Variants in MARCHF1 observed in about 807,000 individuals in gnomAD.
MARCHF1 encodes membrane associated ring-CH-type finger 1.
MARCHF1 carries 40 observed loss-of-function variants against 54.2 expected under a neutral mutation model. The ratio of observed to expected loss-of-function variants is 0.74; its 90% CI spans 0.57 to 0.96. MARCHF1 has a LOEUF of 0.96. Ranked by LOEUF, MARCHF1 falls within the 40% of genes least tolerant of loss-of-function variation. The pLI, the probability that MARCHF1 is intolerant of heterozygous loss-of-function variation, is 0.00. For missense variants in MARCHF1, 586 were observed against 656.5 expected (o/e 0.89, Z 1.17); for synonymous variants, 236 against 236.3 (o/e 1.00, Z 0.01).
intron 4 of MARCHF1, among the ~76,000 whole-genome samples, chr4:163,766,662 TTCAA>T (rs1162462733): frequency 9.9e-5 from 15 of 152,206 alleles, no homozygotes; most frequent in African/African-American, 3.6e-4. Context: ...ATAATAACCC[TTCAA>T]TCAATCACAG....
At chr4:163,920,247 C>T (rs895287407) in intron 3 of MARCHF1, among the ~76,000 whole-genome samples, 1 of 152,134 alleles carries the variant, frequency 6.6e-6, no homozygotes, top group Non-Finnish European at 1.5e-5. Flanking sequence ...CACCATAAAT[C>T]CCCTATTCCA....
intron 5 of MARCHF1, among the ~76,000 whole-genome samples, chr4:163,646,595 A>G (rs1361443985): frequency 6.6e-6 from 1 of 151,876 alleles, no homozygotes; most frequent in Non-Finnish European, 1.5e-5. Context: ...GGAATACACA[A>G]TATAAAAATA....
chr4:163,854,104 G>C lies in MARCHF1; in HGVS notation c.28C>G (p.Arg10Gly). The C allele has an allele frequency of 2.0e-6, 3 of 1,536,394 alleles. No homozygotes were observed. Among genetic ancestry groups the C allele is most frequent in the East Asian group, 2.4e-5 (1 of 40,882 alleles). The part of the protein sequence containing the change: MLGWCEAIA[R>G]NPHRIPNNTR... ...TTGTTTGGAATTCTGTGAGGGTTAC[G>C]GGCTATCGCTTCACACCAGCCCAGC... is the stretch of plus-strand genomic sequence containing the variant. The change falls in exon 4 of 10, where the codon CGT becomes GGT. Residue 10 changes from arginine (R) to glycine (G), a missense_variant. Physicochemically the swap from Arg to Gly is moderately radical, Grantham distance 125. Coordinates refer to ENST00000514618, the MANE Select transcript of MARCHF1 (RefSeq NM_001394959.1).
chr4:163,798,859 G>A (rs1032760639), intron 4 of MARCHF1, among the ~76,000 whole-genome samples: 7 of 151,964 alleles, frequency 4.6e-5, no homozygotes, highest in African/African-American at 1.7e-4. Context: ...TCAGTAATGG[G>A]TACATATTGA....
chr4:163,927,773 T>C (rs1178361752), intron 3 of MARCHF1, among the ~76,000 whole-genome samples: 1 of 151,824 alleles, frequency 6.6e-6, no homozygotes, highest in African/African-American at 2.4e-5. Context: ...TGTGTATCCA[T>C]TTTATACAAA....
intron 8 of MARCHF1, among the ~76,000 whole-genome samples, chr4:163,578,063 A>G (rs1433843825): frequency 6.6e-6 from 1 of 151,770 alleles, no homozygotes; most frequent in African/African-American, 2.4e-5. Flanking sequence ...TGCACACTCT[A>G]ACTTGATGTT....
At chr4:164,005,254 G>A (rs1323412508) in intron 2 of MARCHF1, among the ~76,000 whole-genome samples, 6 of 151,980 alleles carry the variant, frequency 3.9e-5, no homozygotes, top group South Asian at 2.1e-4. Flanking sequence ...AGTGAAACAC[G>A]AAAACAAAGT....
chr4:164,276,947 T>TATAG (rs1392528920), intron 1 of MARCHF1, among the ~76,000 whole-genome samples: 21 of 118,798 alleles, frequency 1.8e-4, no homozygotes, highest in African/African-American at 6.1e-4. Context: ...TATATATATA[T>TATAG]AGAGAGAGAG....
intron 3 of MARCHF1, among the ~76,000 whole-genome samples, chr4:163,888,997 T>C (rs964774135): frequency 1.3e-5 from 2 of 152,290 alleles, no homozygotes; most frequent in Non-Finnish European, 2.9e-5. Flanking sequence ...TATCGATTAT[T>C]ATTGCATGGT....
At chr4:163,566,596 A>G (rs935050235) in intron 8 of MARCHF1, among the ~76,000 whole-genome samples, 1 of 152,078 alleles carries the variant, frequency 6.6e-6, no homozygotes, top group African/African-American at 2.4e-5. Flanking sequence ...TAATAGATGG[A>G]CCCACCATCT....
At chr4:164,071,548 T>C (rs1754867575) in intron 2 of MARCHF1, among the ~76,000 whole-genome samples, 1 of 152,170 alleles carries the variant, frequency 6.6e-6, no homozygotes, top group African/African-American at 2.4e-5. Context: ...TATGTATTCA[T>C]TTTATATAAT....
chr4:163,886,408 A>C (rs1263793056), intron 3 of MARCHF1, among the ~76,000 whole-genome samples: 1 of 151,796 alleles, frequency 6.6e-6, no homozygotes, highest in Non-Finnish European at 1.5e-5. Flanking sequence ...GAGGGAGATG[A>C]ATGTGTGGCA....
intron 1 of MARCHF1, among the ~76,000 whole-genome samples, chr4:164,347,101 C>G (rs1336333339): frequency 6.6e-6 from 1 of 151,966 alleles, no homozygotes; most frequent in Non-Finnish European, 1.5e-5. Flanking sequence ...ACACATTGAA[C>G]TGAATCCGGC....
chr4:164,284,624 G>T (rs1734102152), intron 1 of MARCHF1, among the ~76,000 whole-genome samples: 1 of 150,940 alleles, frequency 6.6e-6, no homozygotes, highest in African/African-American at 2.4e-5. Flanking sequence ...ACTAAGAAGA[G>T]ACTGGTCTTA....
chr4:164,059,627 T>C (rs2111064429), intron 2 of MARCHF1, among the ~76,000 whole-genome samples: 1 of 152,274 alleles, frequency 6.6e-6, no homozygotes, highest in African/African-American at 2.4e-5. Flanking sequence ...CATGCAAACA[T>C]TGTTGTACTA....
chr4:163,533,745 A>G (rs1046190586), intron 9 of MARCHF1, among the ~76,000 whole-genome samples: 1 of 150,202 alleles, frequency 6.7e-6, no homozygotes, highest in Non-Finnish European at 1.5e-5. Flanking sequence ...TGAATTCATC[A>G]CTGTGTCTAG....
rs1052799212 is a variant in MARCHF1, at chr4:163,527,017, T to A, written c.*1731A>T. 1 of 151,952 alleles carries A rather than the reference T, an allele frequency of 6.6e-6. No individual in the cohort carries two copies. Among genetic ancestry groups the A allele is most frequent in the Non-Finnish European group, 1.5e-5 (1 of 67,890 alleles). 9.4% of individuals were successfully genotyped at this position (151,952 alleles called of 1,614,324 possible). ...AACAAGCACACTGATAATTACAAAG[T>A]GCATCCATGTGATACCCAGATTTGT... On this transcript the variant is annotated 3_prime_UTR_variant, in exon 10 of 10. Coordinates refer to ENST00000514618, the MANE Select transcript of MARCHF1 (RefSeq NM_001394959.1).
chr4:163,972,083 C>A (rs139745849), intron 3 of MARCHF1, among the ~76,000 whole-genome samples: 2,935 of 152,208 alleles, frequency 0.019, 44 homozygotes, highest in African/African-American at 0.039. Context: ...TCATTCTCAG[C>A]AAACTAACAC....
chr4:164,017,143 A>G (rs371989374), intron 2 of MARCHF1, among the ~76,000 whole-genome samples: 4 of 152,202 alleles, frequency 2.6e-5, no homozygotes, highest in African/African-American at 9.6e-5. Flanking sequence ...GGACCTTAAA[A>G]AAAAGGAGTA....
Sources: allele counts gnomAD v4.1 joint callset (sites outside exome capture counted in the v4.1 genomes callset), GRCh38; gene constraint gnomAD v4.1.1; transcripts MANE v1.5; gene names NCBI Gene and HGNC (gene_info 2026-07-23, HGNC 2026-07-21).